CCDC30: variants seen among roughly 807,000 people sequenced by gnomAD.
The protein encoded by CCDC30 is coiled-coil domain containing 30.
CCDC30 carries 70 observed loss-of-function variants against 100.2 expected under a neutral mutation model. The observed-to-expected ratio is 0.70, with a 90% confidence interval of 0.58 to 0.85. The LOEUF (loss-of-function observed/expected upper bound fraction) is 0.85, where lower values mean the gene tolerates loss of function less well. CCDC30 is among the 40% of genes least tolerant of loss of function. The pLI is 0.00. For missense variants in CCDC30, 652 were observed against 771.2 expected, an observed-to-expected ratio of 0.85 and a Z score of 1.83; for synonymous variants, 233 against 269.5, an observed-to-expected ratio of 0.86 and a Z score of 1.33.
intron 11 of CCDC30, among the ~76,000 whole-genome samples, chr1:42,618,492 T>C (rs1051521018): frequency 2.6e-5 from 4 of 152,162 alleles, no homozygotes; most frequent in African/African-American, 9.7e-5. Flanking sequence ...TGCTTCGGCC[T>C]CCCAAAGTGC....
Position 42,487,314 on chromosome 1 carries a change from A to G in CCDC30, c.170-2844A>G, listed in dbSNP as rs538271691. On this transcript the variant is annotated intron_variant, in intron 3 of 16. Transcript: ENST00000668663. ...GAAATATGTAATTTTTAAGGTATGT[A>G]AACTGTACCTCAAAGCTGTTAAAAA... is the stretch of plus-strand genomic sequence containing the variant. Among the ~76,000 whole-genome samples the G allele has an allele frequency of 2.0e-5, 3 of 152,264 alleles. No homozygotes were observed. The East Asian group carries it at 5.8e-4, about 29-fold the overall frequency.
Position 42,463,349 on chromosome 1 carries a change from AC to A in CCDC30, c.-637del, listed in dbSNP as rs1162033251. The A allele has an allele frequency of 4.0e-5, 6 of 151,898 alleles. No individual in the cohort carries two copies. The East Asian group carries it at 1.2e-3, about 29-fold the overall frequency. The allele number at this position is 151,898 out of a possible 1,614,324, so 9.4% of individuals were successfully genotyped here. On this transcript the variant is annotated 5_prime_UTR_variant, in exon 1 of 17. Coordinates refer to ENST00000668663, the Ensembl canonical transcript of CCDC30. ...CAGCTGAGCGCGTAGGGGCCGAGCG[AC>A]CCCGGGACGCTCGCGGCACCCTCCG... is the stretch of plus-strand genomic sequence containing the variant.
chr1:42,620,587 A>AG (rs1169008197), intron 11 of CCDC30, among the ~76,000 whole-genome samples: 1 of 151,852 alleles, frequency 6.6e-6, no homozygotes, highest in East Asian at 1.9e-4. Context: ...AGGGGCAAAA[A>AG]AAAAAAAAAA....
At chr1:42,536,402 AGTT>A in intron 6 of CCDC30, 71 bp from the exon 7 acceptor site, 2 of 909,074 alleles carry the variant, frequency 2.2e-6, no homozygotes. Context: ...TGAGTTAGAA[AGTT>A]GTTATTATCA....
At chr1:42,621,906 C>A (rs1432137666) in intron 11 of CCDC30, among the ~76,000 whole-genome samples, 1 of 152,164 alleles carries the variant, frequency 6.6e-6, no homozygotes, top group Non-Finnish European at 1.5e-5. Flanking sequence ...CTCAGCCTCC[C>A]AAAGTGCTGG....
intron 6 of CCDC30, among the ~76,000 whole-genome samples, chr1:42,514,003 A>T (rs1022517522): frequency 6.6e-6 from 1 of 152,198 alleles, no homozygotes; most frequent in South Asian, 2.1e-4. Context: ...TAAGCCATTC[A>T]TGAAGGATTC....
intron 7 of CCDC30, among the ~76,000 whole-genome samples, chr1:42,571,913 A>T (rs1254040869): frequency 6.6e-6 from 1 of 152,214 alleles, no homozygotes; most frequent in Non-Finnish European, 1.5e-5. Context: ...ATTATTTCAG[A>T]TATGTTCAGT....
chr1:42,601,221 A>G (rs1402513713), intron 10 of CCDC30, among the ~76,000 whole-genome samples: 2 of 152,234 alleles, frequency 1.3e-5, no homozygotes, highest in Non-Finnish European at 2.9e-5. Flanking sequence ...TGAAGATACA[A>G]CTTATCAAAA....
intron 4 of CCDC30, among the ~76,000 whole-genome samples, chr1:42,496,647 C>A (rs1644237236): frequency 1.3e-5 from 2 of 152,048 alleles, no homozygotes; most frequent in South Asian, 4.2e-4. Context: ...CTTTACAATT[C>A]AAGACTTACA....
At chr1:42,621,628 C>T (rs976078108) in intron 11 of CCDC30, among the ~76,000 whole-genome samples, 1 of 152,142 alleles carries the variant, frequency 6.6e-6, no homozygotes, top group Admixed American at 6.5e-5. Flanking sequence ...TCTCCTGCCT[C>T]AGCCTCCGGA....
At chr1:42,628,235 T>G (rs1466588632) in intron 11 of CCDC30, among the ~76,000 whole-genome samples, 2 of 152,150 alleles carry the variant, frequency 1.3e-5, no homozygotes, top group Admixed American at 1.3e-4. Context: ...CCCCTTTGTT[T>G]TAGCTAATTT....
intron 11 of CCDC30, among the ~76,000 whole-genome samples, chr1:42,623,846 T>A (rs1646884824): frequency 6.6e-6 from 1 of 152,222 alleles, no homozygotes; most frequent in Non-Finnish European, 1.5e-5. Flanking sequence ...TTAACAATAT[T>A]GATTCTTCCA....
At chr1:42,590,903 G>C (rs1009277958) in intron 10 of CCDC30, 5 of 152,202 alleles carry the variant, frequency 3.3e-5, no homozygotes, top group African/African-American at 1.2e-4. Flanking sequence ...TTACACCCTA[G>C]CAAAGAACTC....
At chr1:42,487,528 T>C (rs1026852288) in intron 3 of CCDC30, among the ~76,000 whole-genome samples, 1 of 152,198 alleles carries the variant, frequency 6.6e-6, no homozygotes, top group African/African-American at 2.4e-5. Context: ...GAGATTATCT[T>C]ACTTGAGCCT....
chr1:42,584,954 G>A (rs1022357743), intron 9 of CCDC30, among the ~76,000 whole-genome samples: 1 of 152,152 alleles, frequency 6.6e-6, no homozygotes, highest in Non-Finnish European at 1.5e-5. Flanking sequence ...GGAAGAGATT[G>A]CAGAGAATTG....
intron 12 of CCDC30, among the ~76,000 whole-genome samples, chr1:42,639,281 G>A (rs1951918): frequency 0.16 from 23,726 of 152,092 alleles, 2,068 homozygotes; most frequent in South Asian, 0.31. Flanking sequence ...TCATGATGAT[G>A]AATTCAGAGA....
Position 42,482,980 on chromosome 1 carries a change from G to A in CCDC30, c.169+164G>A, listed in dbSNP as rs958841525. ...ATTTTCTACCATGCTAGGAATTTTT[G>A]TCAAAGCCCAAGCATATCTACCAAA... On this transcript the variant is annotated intron_variant, in intron 3 of 16. Transcript: ENST00000668663. The A allele has an allele frequency of 1.1e-5, 5 of 470,742 alleles. No individual in the cohort carries two copies. In the Admixed American group the frequency reaches 1.8e-4, roughly 17 times the overall value. 29.2% of individuals were successfully genotyped at this position (470,742 alleles called of 1,614,324 possible). A position where few individuals can be genotyped will look rare whatever the true frequency, so the allele number is the denominator to read the frequency against.
intron 6 of CCDC30, among the ~76,000 whole-genome samples, chr1:42,524,106 T>C (rs1644688404): frequency 1.8e-5 from 2 of 109,126 alleles, no homozygotes; most frequent in Admixed American, 1.9e-4. Context: ...TTTTGTTTTC[T>C]TTTTTTTTTT....
chr1:42,607,849 T>C (rs1646534134), intron 10 of CCDC30, among the ~76,000 whole-genome samples: 2 of 152,206 alleles, frequency 1.3e-5, no homozygotes, highest in African/African-American at 4.8e-5. Context: ...TGATTCCATC[T>C]ATGCTTTCTG....
Sources: gnomAD v4.1 joint callset for allele counts (sites outside exome capture counted in the v4.1 genomes callset) on GRCh38, gnomAD v4.1.1 for gene constraint, MANE v1.5 for transcripts, NCBI Gene and HGNC (gene_info 2026-07-23, HGNC 2026-07-21) for gene names.